Variants in RABGAP1L observed in about 807,000 individuals in gnomAD.
The protein encoded by RABGAP1L is RAB GTPase activating protein 1 like.
In RABGAP1L, 63 loss-of-function variants were observed where a neutral mutation model predicts 137.7. The observed-to-expected ratio is 0.46, with a 90% CI of 0.37 to 0.56. The LOEUF is 0.56. Ranked by LOEUF, RABGAP1L falls within the 20% of genes least tolerant of loss-of-function variation. The pLI is 0.00. For synonymous variants in RABGAP1L, 431 were observed against 433.7 expected, an observed-to-expected ratio of 0.99 and a Z score of 0.08; for missense variants, 1,095 against 1,244.0, an observed-to-expected ratio of 0.88 and a Z score of 1.80.
chr1:174,483,420 A>G (rs1255751909), intron 13 of RABGAP1L, among the ~76,000 whole-genome samples: 2 of 152,152 alleles, frequency 1.3e-5, no homozygotes, highest in Non-Finnish European at 2.9e-5. Flanking sequence ...TATTTCACTT[A>G]ACATAGTGAC....
At chr1:174,224,605 T>C (rs181449358) in intron 3 of RABGAP1L, among the ~76,000 whole-genome samples, 16 of 152,356 alleles carry the variant, frequency 1.1e-4, no homozygotes, top group African/African-American at 3.4e-4. Context: ...TTCTCTGTTA[T>C]AGAGTAATAT....
intron 13 of RABGAP1L, among the ~76,000 whole-genome samples, chr1:174,425,454 C>T (rs1325477205): frequency 1.3e-5 from 2 of 152,008 alleles, no homozygotes; most frequent in African/African-American, 2.4e-5. Context: ...GAACTTTCCT[C>T]TGTTATTTCC....
At chr1:174,698,675 TA>T (rs1557995150) in intron 15 of RABGAP1L, among the ~76,000 whole-genome samples, 2 of 151,894 alleles carry the variant, frequency 1.3e-5, no homozygotes, top group African/African-American at 2.4e-5. Flanking sequence ...TAATTGCTTT[TA>T]AAAAAATAAA....
intron 11 of RABGAP1L, among the ~76,000 whole-genome samples, chr1:174,370,355 C>G (rs1309127336): frequency 2.0e-5 from 3 of 151,436 alleles, no homozygotes; most frequent in African/African-American, 7.3e-5. Flanking sequence ...CGATTATAAA[C>G]TGTAAATCAA....
intron 4 of RABGAP1L, among the ~76,000 whole-genome samples, chr1:174,234,407 G>A (rs1358159051): frequency 2.2e-5 from 3 of 138,426 alleles, no homozygotes; most frequent in Admixed American, 1.4e-4. Flanking sequence ...TAGGTCTAAC[G>A]TTTAAATCTT....
chr1:174,947,385 C>CA (rs1667054044), intron 19 of RABGAP1L, among the ~76,000 whole-genome samples: 1 of 151,078 alleles, frequency 6.6e-6, no homozygotes, highest in African/African-American at 2.4e-5. Context: ...CGTGAGCTAC[C>CA]ATGCCCAGCC....
At chr1:174,549,579 CT>C (rs1189567419) in intron 13 of RABGAP1L, among the ~76,000 whole-genome samples, 1 of 152,152 alleles carries the variant, frequency 6.6e-6, no homozygotes, top group Non-Finnish European at 1.5e-5. Flanking sequence ...AAATCTGAGA[CT>C]TTTAGTAATA....
At chr1:174,185,749 C>T (rs747227254) in intron 1 of RABGAP1L, among the ~76,000 whole-genome samples, 1 of 152,144 alleles carries the variant, frequency 6.6e-6, no homozygotes, top group Non-Finnish European at 1.5e-5. Context: ...GCAATGCTGA[C>T]ATGTGTGTCC....
intron 17 of RABGAP1L, among the ~76,000 whole-genome samples, chr1:174,710,463 A>G (rs1416057032): frequency 2.6e-5 from 4 of 152,244 alleles, no homozygotes; most frequent in Admixed American, 1.3e-4. Flanking sequence ...AGCCCATCAG[A>G]CTAACAGTGG....
intron 11 of RABGAP1L, among the ~76,000 whole-genome samples, chr1:174,340,610 T>G (rs1203404276): frequency 1.3e-5 from 2 of 152,246 alleles, no homozygotes; most frequent in Non-Finnish European, 2.9e-5. Flanking sequence ...ATCTTGTTCC[T>G]TTTTATGGCT....
intron 18 of RABGAP1L, among the ~76,000 whole-genome samples, chr1:174,771,497 A>G (rs998261236): frequency 6.6e-6 from 1 of 152,244 alleles, no homozygotes; most frequent in Non-Finnish European, 1.5e-5. Context: ...TTACAGAACA[A>G]TATAATAAAA....
At chr1:174,449,571 T>C (rs906545140) in intron 13 of RABGAP1L, among the ~76,000 whole-genome samples, 2 of 152,238 alleles carry the variant, frequency 1.3e-5, no homozygotes, top group African/African-American at 2.4e-5. Flanking sequence ...TCTATGTTTC[T>C]CTCACTCTTT....
intron 8 of RABGAP1L, among the ~76,000 whole-genome samples, chr1:174,274,604 C>CTGTG (rs1184243008): frequency 1.0e-5 from 1 of 96,782 alleles, no homozygotes; most frequent in Non-Finnish European, 2.1e-5. Flanking sequence ...CAACAGGTGA[C>CTGTG]TCTGTGTGTG....
intron 19 of RABGAP1L, among the ~76,000 whole-genome samples, chr1:174,812,711 T>A (rs72717616): frequency 0.21 from 31,836 of 152,052 alleles, 3,658 homozygotes; most frequent in Admixed American, 0.25. Context: ...ATTTAACATG[T>A]TAGAAAGTGA....
intron 14 of RABGAP1L, among the ~76,000 whole-genome samples, chr1:174,677,373 A>T (rs1345428744): frequency 6.6e-6 from 1 of 152,248 alleles, no homozygotes; most frequent in Non-Finnish European, 1.5e-5. Flanking sequence ...CAACTCAAGG[A>T]TTAATTAGGC....
rs561149498 is a variant in RABGAP1L at position 174,632,914 on chromosome 1, G to C, written c.1711-4461G>C. On this transcript the variant is annotated intron_variant, in intron 13 of 25. Coordinates refer to ENST00000681986, the MANE Select transcript of RABGAP1L (RefSeq NM_001366446.1). ...AGCTCGTCAAAATCATTCTCCATCC[G>C]GCTTTGTTCCGTTGCTGGTGAGGAA... 1.4e-4 allele frequency among the ~76,000 whole-genome samples: 21 copies of C among 151,964 alleles called. No individual in the cohort carries two copies. In the East Asian group the frequency reaches 4.1e-3, roughly 29 times the overall value.
At chr1:174,905,306 TG>T (rs1298053794) in intron 19 of RABGAP1L, among the ~76,000 whole-genome samples, 1 of 152,218 alleles carries the variant, frequency 6.6e-6, no homozygotes, top group African/African-American at 2.4e-5. Context: ...AGTGATGATT[TG>T]TAAGATCTGT....
At chr1:174,604,184 T>C (rs1670613870) in intron 13 of RABGAP1L, among the ~76,000 whole-genome samples, 1 of 152,072 alleles carries the variant, frequency 6.6e-6, no homozygotes, top group South Asian at 2.1e-4. Context: ...CCAAAGCACT[T>C]TAGTTCACAG....
In RABGAP1L at chr1:174,657,598, TTCCA is replaced by T. The variant is rs892005820; in HGVS notation, c.1824+20112_1824+20115del. Among the ~76,000 whole-genome samples, 36 of 152,346 alleles carry T rather than the reference TTCCA, an allele frequency of 2.4e-4. No individual in the cohort carries two copies. The Middle Eastern group carries it at 0.01, about 43-fold the overall frequency. On this transcript the variant is annotated intron_variant, in intron 14 of 25. Transcript: ENST00000681986. ...TCATTCTTTTTTGTGGCTTAAAGTATTCCATTTGGTATATATACCACATTTTCTT... is the reference window on the plus strand; with the variant it reads ...TCATTCTTTTTTGTGGCTTAAAGTATTTTGGTATATATACCACATTTTCTT...
Sources: allele counts gnomAD v4.1 joint callset (sites outside exome capture counted in the v4.1 genomes callset), GRCh38; gene constraint gnomAD v4.1.1; transcripts MANE v1.5; gene names NCBI Gene and HGNC (gene_info 2026-07-23, HGNC 2026-07-21).